Variants in FAAH2 observed in about 807,000 individuals in gnomAD.
The protein encoded by FAAH2 is fatty acid amide hydrolase 2.
Under a neutral mutation model 36.9 loss-of-function variants are expected in FAAH2, and 60 were observed. That is an observed-to-expected ratio of 1.63 (90% CI 1.32 to 2.02). FAAH2 has a LOEUF of 2.02. Ranked by LOEUF, FAAH2 falls within the 30% of genes most tolerant of loss-of-function variation. The probability of loss-of-function intolerance (pLI) is 0.00; values close to 1 mark genes in which losing one functional copy is unlikely to be tolerated. For synonymous variants in FAAH2, 214 were observed against 143.8 expected (o/e 1.49, Z -3.49); for missense variants, 689 against 397.5 (o/e 1.73, Z -6.23).
At chrX:57,345,127 T>A (rs898840451) in intron 5 of FAAH2, among the ~76,000 whole-genome samples, 1 of 108,936 alleles carries the variant, frequency 9.2e-6, no homozygotes, top group Non-Finnish European at 1.9e-5. Context: ...CTCAATTTTT[T>A]TTTTTTTTTG....
At chrX:57,237,966 T>G in the FAAH2 span, among the ~76,000 whole-genome samples, 5 of 111,415 alleles carry the variant, frequency 4.5e-5, no homozygotes, top group East Asian at 1.4e-3. Flanking sequence ...CTCACACCAG[T>G]TAGAATTGTT....
intron 8 of FAAH2, among the ~76,000 whole-genome samples, chrX:57,440,595 C>A (rs1214085826): frequency 1.8e-5 from 2 of 111,388 alleles, no homozygotes; most frequent in African/African-American, 3.3e-5. Flanking sequence ...TTCTTTATTT[C>A]TTTCCCTTGT....
At chrX:57,402,362 C>T (rs190605376) in intron 7 of FAAH2, among the ~76,000 whole-genome samples, 57 of 112,067 alleles carry the variant, frequency 5.1e-4, no homozygotes, top group African/African-American at 1.7e-3. Flanking sequence ...CCAGCTTTTC[C>T]GTGTTCCAGA....
the FAAH2 span, among the ~76,000 whole-genome samples, chrX:57,259,714 G>C: frequency 8.9e-6 from 1 of 111,831 alleles, no homozygotes; most frequent in South Asian, 3.7e-4. Flanking sequence ...AACTATGTGA[G>C]GTGATGGATA....
intron 10 of FAAH2, among the ~76,000 whole-genome samples, chrX:57,454,586 A>G (rs779207244): frequency 2.2e-3 from 248 of 111,972 alleles, no homozygotes; most frequent in African/African-American, 7.6e-3. Context: ...CTGAAAGATA[A>G]AATATCCATT....
chrX:57,189,570 G>C, the FAAH2 span, among the ~76,000 whole-genome samples: 1 of 110,325 alleles, frequency 9.1e-6, no homozygotes, highest in Non-Finnish European at 1.9e-5. Flanking sequence ...TGGGGTTTCT[G>C]TGTGGGGGTC....
At chrX:57,424,720 G>A (rs2056118735) in intron 7 of FAAH2, among the ~76,000 whole-genome samples, 1 of 111,533 alleles carries the variant, frequency 9.0e-6, no homozygotes, top group South Asian at 3.7e-4. Context: ...ATCTCCAAAG[G>A]GAATAAATAT....
intron 3 of FAAH2, among the ~76,000 whole-genome samples, chrX:57,321,495 A>T (rs2053024181): frequency 9.1e-6 from 1 of 110,087 alleles, no homozygotes; most frequent in Non-Finnish European, 1.9e-5. Context: ...TATACTATTT[A>T]AAAAAATAGT....
the FAAH2 span, among the ~76,000 whole-genome samples, chrX:57,139,447 GT>G: frequency 1.8e-5 from 2 of 111,310 alleles, no homozygotes; most frequent in African/African-American, 3.3e-5. Context: ...GTTACCACAG[GT>G]TTTTTGTTTG....
chrX:57,441,490 C>A (rs1473200178), intron 8 of FAAH2, among the ~76,000 whole-genome samples: 1 of 110,252 alleles, frequency 9.1e-6, no homozygotes, highest in African/African-American at 3.3e-5. Flanking sequence ...ATTCCTCTCT[C>A]TTTTCTTCTT....
At chrX:57,124,031 G>C in the FAAH2 span, among the ~76,000 whole-genome samples, 6 of 111,250 alleles carry the variant, frequency 5.4e-5, no homozygotes, top group Non-Finnish European at 1.1e-4. Flanking sequence ...GTCAATTTTG[G>C]CTTTTGTTGC....
chrX:57,228,764 C>A, the FAAH2 span, among the ~76,000 whole-genome samples: 1 of 111,891 alleles, frequency 8.9e-6, no homozygotes, highest in Admixed American at 9.5e-5. Flanking sequence ...TCCTTGGTAA[C>A]AAAACTTTGC....
chrX:57,227,293 G>A, the FAAH2 span, among the ~76,000 whole-genome samples: 1 of 111,143 alleles, frequency 9.0e-6, no homozygotes, highest in Non-Finnish European at 1.9e-5. Flanking sequence ...CAGAGGGAAG[G>A]TCTAGGGCTG....
chrX:57,253,535 C>G, the FAAH2 span, among the ~76,000 whole-genome samples: 1 of 111,576 alleles, frequency 9.0e-6, no homozygotes, highest in Non-Finnish European at 1.9e-5. Flanking sequence ...TCAGGTTACC[C>G]GCAAAAGGAA....
intron 5 of FAAH2, among the ~76,000 whole-genome samples, chrX:57,361,292 T>G (rs1432433897): frequency 9.0e-6 from 1 of 111,325 alleles, no homozygotes; most frequent in Non-Finnish European, 1.9e-5. Context: ...TGGCATATAG[T>G]TATTCATAAT....
intron 2 of FAAH2, among the ~76,000 whole-genome samples, chrX:57,301,898 A>G (rs2052383126): frequency 8.9e-6 from 1 of 111,919 alleles, no homozygotes; most frequent in Admixed American, 9.5e-5. Context: ...ACATGTGTTT[A>G]GACAATGTTT....
chrX:57,159,357 T>C, the FAAH2 span, among the ~76,000 whole-genome samples: 3 of 111,917 alleles, frequency 2.7e-5, no homozygotes, highest in African/African-American at 9.8e-5. Context: ...TTTAAAGTAG[T>C]TTTTTCCAAT....
chrX:57,147,724 T>A, the FAAH2 span, among the ~76,000 whole-genome samples: 1 of 111,828 alleles, frequency 8.9e-6, no homozygotes, highest in South Asian at 3.7e-4. Context: ...TTAGCATCAC[T>A]TTTGCTGTAT....
chrX:57,415,714 G>A (rs1366198392), intron 7 of FAAH2, among the ~76,000 whole-genome samples: 1 of 111,365 alleles, frequency 9.0e-6, no homozygotes, highest in Non-Finnish European at 1.9e-5. Flanking sequence ...TATTTGGGGT[G>A]GAGAGTTCTG....
Sources: allele counts gnomAD v4.1 joint callset (sites outside exome capture counted in the v4.1 genomes callset), GRCh38; gene constraint gnomAD v4.1.1; transcripts MANE v1.5; gene names NCBI Gene and HGNC (gene_info 2026-07-23, HGNC 2026-07-21).